GPAT4: variants seen among roughly 807,000 people sequenced by gnomAD.
GPAT4 encodes 1-AGP acyltransferase 6.
A neutral mutation model predicts 58.0 loss-of-function variants in GPAT4; 17 were observed. The observed-to-expected ratio is 0.29, with a 90% CI of 0.20 to 0.44. The LOEUF is 0.44. Ranked by LOEUF, GPAT4 falls within the 20% of genes least tolerant of loss-of-function variation. GPAT4 has a pLI of 1.00. For synonymous variants in GPAT4, 204 were observed against 210.1 expected (o/e 0.97, Z 0.25); for missense variants, 377 against 574.5 (o/e 0.66, Z 3.51).
chr8:41,582,269 G>T (rs1585645030), intron 1 of GPAT4, among the ~76,000 whole-genome samples: 1 of 152,070 alleles, frequency 6.6e-6, no homozygotes, highest in Non-Finnish European at 1.5e-5. Flanking sequence ...CTCCCAAAGT[G>T]CTGGGATTAC....
intron 2 of GPAT4, among the ~76,000 whole-genome samples, chr8:41,602,371 C>T (rs1331614929): frequency 6.6e-6 from 1 of 152,204 alleles, no homozygotes; most frequent in Non-Finnish European, 1.5e-5. Flanking sequence ...GAGGTGTGTG[C>T]CAGCCACCGA....
At chr8:41,579,323 A>G (rs1186791966) in intron 1 of GPAT4, among the ~76,000 whole-genome samples, 1 of 152,142 alleles carries the variant, frequency 6.6e-6, no homozygotes, top group East Asian at 1.9e-4. Context: ...TGTGCCATAC[A>G]CACCCCACCC....
intron 1 of GPAT4, among the ~76,000 whole-genome samples, chr8:41,594,767 C>G (rs1056572076): frequency 4.6e-5 from 7 of 151,914 alleles, no homozygotes; most frequent in African/African-American, 1.2e-4. Flanking sequence ...GGATGGTCTC[C>G]ATCTCCTGAC....
At chr8:41,620,068 T>G (rs1803703595) in intron 12 of GPAT4, among the ~76,000 whole-genome samples, 1 of 152,248 alleles carries the variant, frequency 6.6e-6, no homozygotes, top group Non-Finnish European at 1.5e-5. Context: ...GCTTGAAGGT[T>G]TAACTTCTGC....
At chr8:41,593,195 C>A (rs1040776055) in intron 1 of GPAT4, among the ~76,000 whole-genome samples, 1 of 152,116 alleles carries the variant, frequency 6.6e-6, no homozygotes, top group Admixed American at 6.5e-5. Flanking sequence ...GTATCACTTA[C>A]GAGTCCCCAC....
intron 10 of GPAT4, among the ~76,000 whole-genome samples, chr8:41,615,767 C>T (rs1029366511): frequency 2.0e-5 from 3 of 152,222 alleles, no homozygotes; most frequent in South Asian, 2.1e-4. Flanking sequence ...CCTGAGAGCT[C>T]GATAAAATGG....
chr8:41,583,469 T>G (rs746706471), intron 1 of GPAT4, among the ~76,000 whole-genome samples: 9 of 152,214 alleles, frequency 5.9e-5, no homozygotes, highest in Non-Finnish European at 1.2e-4. Flanking sequence ...AAAAATTGTA[T>G]AAAGTAGAAA....
intron 8 of GPAT4, among the ~76,000 whole-genome samples, 170 bp downstream of exon 8, chr8:41,613,130 C>T (rs1167562112): frequency 6.6e-6 from 1 of 152,148 alleles, no homozygotes; most frequent in Non-Finnish European, 1.5e-5. Flanking sequence ...GGTGTGGTGG[C>T]TCATGCCTGT....
chr8:41,582,708 A>T (rs186088071), intron 1 of GPAT4, among the ~76,000 whole-genome samples: 2 of 149,288 alleles, frequency 1.3e-5, no homozygotes, highest in East Asian at 4.0e-4. Context: ...TGTATCTCAA[A>T]ACATCACATT....
chr8:41,614,940 T>C (rs931151274), intron 9 of GPAT4, 23 bp from the exon 10 acceptor site: 8 of 1,600,554 alleles, frequency 5.0e-6, no homozygotes, highest in South Asian at 1.1e-5. Context: ...AGAAATAGCA[T>C]TTTATTGTCT....
At chr8:41,601,108 T>TTTTACCTG (rs1199717716) in intron 2 of GPAT4, among the ~76,000 whole-genome samples, 1 of 149,188 alleles carries the variant, frequency 6.7e-6, no homozygotes, top group African/African-American at 2.5e-5. Flanking sequence ...TGAGTACCTG[T>TTTTACCTG]TTTTTTAAGA....
Position 41,621,208 on chromosome 8 carries a change from G to T in GPAT4, c.*207G>T. On this transcript the variant is annotated 3_prime_UTR_variant, in exon 13 of 13. Transcript: ENST00000396987. ...ACCCTTGGTGGTCTAAACGGATGCTGCTGGGTGTTGCGACCCAGGACGAGA... is the reference window on the plus strand; with the variant it reads ...ACCCTTGGTGGTCTAAACGGATGCTTCTGGGTGTTGCGACCCAGGACGAGA... The T allele has an allele frequency of 1.5e-6, 1 of 647,876 alleles. No homozygotes were observed. Among genetic ancestry groups the T allele is most frequent in the East Asian group, 2.8e-5 (1 of 35,592 alleles). 40.1% of individuals were successfully genotyped at this position (647,876 alleles called of 1,614,324 possible).
intron 12 of GPAT4, among the ~76,000 whole-genome samples, chr8:41,619,537 A>G (rs966174964): frequency 6.6e-6 from 1 of 152,220 alleles, no homozygotes; most frequent in Admixed American, 6.5e-5. Flanking sequence ...CTGTGTTCCA[A>G]TAAAACTTTA....
intron 2 of GPAT4, among the ~76,000 whole-genome samples, chr8:41,603,051 A>C (rs1426321594): frequency 1.3e-5 from 2 of 152,180 alleles, no homozygotes; most frequent in African/African-American, 4.8e-5. Flanking sequence ...TTTTGAGGGG[A>C]CATAAGCATT....
intron 2 of GPAT4, among the ~76,000 whole-genome samples, chr8:41,602,774 ACG>A (rs1422046098): frequency 1.3e-5 from 2 of 152,130 alleles, no homozygotes; most frequent in African/African-American, 2.4e-5. Flanking sequence ...CTTAAAAAAC[ACG>A]TTTAGTTTTT....
At chr8:41,611,462 G>A (rs1443741614) in intron 5 of GPAT4, among the ~76,000 whole-genome samples, 1 of 152,214 alleles carries the variant, frequency 6.6e-6, no homozygotes, top group Non-Finnish European at 1.5e-5. Context: ...AGACAATACA[G>A]TTTTTAAAAT....
At chr8:41,619,195 G>A in intron 12 of GPAT4, 1 of 604,762 alleles carries the variant, frequency 1.7e-6, no homozygotes, top group Non-Finnish European at 2.9e-6. Context: ...AGTTGATTCT[G>A]TGTACCTTTC....
At chr8:41,603,276 C>T (rs941646033) in intron 2 of GPAT4, among the ~76,000 whole-genome samples, 11 of 152,248 alleles carry the variant, frequency 7.2e-5, no homozygotes, top group African/African-American at 9.6e-5. Context: ...CCTGTAATCC[C>T]GGCACTTTGG....
At chr8:41,580,679 A>T (rs147151099) in intron 1 of GPAT4, among the ~76,000 whole-genome samples, 1 of 152,198 alleles carries the variant, frequency 6.6e-6, no homozygotes, top group Non-Finnish European at 1.5e-5. Flanking sequence ...TACTTTCAGG[A>T]TGGACTTTTC....
Sources: allele counts gnomAD v4.1 joint callset (sites outside exome capture counted in the v4.1 genomes callset), GRCh38; gene constraint gnomAD v4.1.1; transcripts MANE v1.5; gene names NCBI Gene and HGNC (gene_info 2026-07-23, HGNC 2026-07-21).